EIF4ENIF1: variants seen among roughly 807,000 people sequenced by gnomAD.
EIF4ENIF1 encodes the protein eukaryotic translation initiation factor 4E transporter.
EIF4ENIF1 carries 23 observed loss-of-function variants against 110.5 expected under a neutral mutation model. That is an observed-to-expected ratio of 0.21 (90% confidence interval 0.15 to 0.29). The LOEUF (loss-of-function observed/expected upper bound fraction) is 0.29, where lower values mean the gene tolerates loss of function less well. Ranked by LOEUF, EIF4ENIF1 falls within the 10% of genes least tolerant of loss-of-function variation. EIF4ENIF1 has a pLI of 1.00. For synonymous variants in EIF4ENIF1, 440 were observed against 437.0 expected (o/e 1.01, Z -0.09); for missense variants, 1,031 against 1,221.1 (o/e 0.84, Z 2.32).
chr22:31,440,591 T>C, intron 18 of EIF4ENIF1, 113 bp downstream of exon 18: 2 of 1,325,848 alleles, frequency 1.5e-6, no homozygotes, highest in East Asian at 2.3e-5. Flanking sequence ...GTCCCAAACT[T>C]AGAACAAGTT....
rs558296966 is a variant in EIF4ENIF1 at position 31,443,018 on chromosome 22, G to A, written c.2150C>T (p.Ala717Val). 1.4e-5 allele frequency: 23 copies of A among 1,614,144 alleles called. No homozygotes were observed. The East Asian group carries it at 4.9e-4, about 34-fold the overall frequency. Residue 717 changes from alanine to valine, a missense_variant, in exon 16 of 19, where the codon GCA becomes GTA. Ala to Val is a moderately conservative substitution (Grantham distance 64, BLOSUM62 0). Transcript: ENST00000330125. ...GTCACCAAGAGCTGCTTTTCCAGAT[G>A]CTGGCTCCTCCTTGCTTTTCTCTTT... ...ESKEKSKEEPASGKAALGDSK... is the reference protein window; with the variant it reads ...ESKEKSKEEPVSGKAALGDSK...
chr22:31,449,314 A>T, intron 12 of EIF4ENIF1, 34 bp downstream of exon 12: 1 of 1,604,588 alleles, frequency 6.2e-7, no homozygotes. Context: ...CTGGCCATAA[A>T]TTCATATTTC....
chr22:31,450,189 CAG>C (rs2050602398), intron 11 of EIF4ENIF1, 98 bp downstream of exon 11: 2 of 893,364 alleles, frequency 2.2e-6, no homozygotes, highest in Admixed American at 4.2e-5. Flanking sequence ...CCAGGCAACA[CAG>C]ATCATTTTCT....
At chr22:31,450,672 C>T (rs891785789) in intron 10 of EIF4ENIF1, 1 of 315,438 alleles carries the variant, frequency 3.2e-6, no homozygotes, top group Non-Finnish European at 6.1e-6. Context: ...GGAACACTTA[C>T]TTGAGATAAC....
At chr22:31,477,390 A>AAAAG (rs1381135932) in intron 2 of EIF4ENIF1, among the ~76,000 whole-genome samples, 157 of 133,584 alleles carry the variant, frequency 1.2e-3, no homozygotes, top group South Asian at 1.7e-3. Context: ...AAAACAAAAA[A>AAAAG]AGAGAATTTG....
chr22:31,462,747 C>T (rs1257965472), intron 6 of EIF4ENIF1, among the ~76,000 whole-genome samples, 185 bp downstream of exon 6: 2 of 152,112 alleles, frequency 1.3e-5, no homozygotes, highest in Non-Finnish European at 2.9e-5. Context: ...CCACACCCCA[C>T]TAATTTTTGA....
chr22:31,455,608 C>T (rs56314242), intron 8 of EIF4ENIF1, among the ~76,000 whole-genome samples: 4 of 151,990 alleles, frequency 2.6e-5, no homozygotes, highest in Admixed American at 6.6e-5. Flanking sequence ...CCATGTTGGC[C>T]AGGCTGGTCT....
chr22:31,446,911 A>G (rs2050496551), intron 14 of EIF4ENIF1: 1 of 433,996 alleles, frequency 2.3e-6, no homozygotes, highest in East Asian at 7.3e-5. Context: ...TCAGTACTCT[A>G]CTTGTTAACA....
intron 2 of EIF4ENIF1, among the ~76,000 whole-genome samples, chr22:31,476,459 T>C (rs2051575182): frequency 6.6e-6 from 1 of 152,002 alleles, no homozygotes; most frequent in Non-Finnish European, 1.5e-5. Flanking sequence ...TTTGGTCCTA[T>C]TGACGAGGAA....
At chr22:31,444,728 G>A in intron 14 of EIF4ENIF1, 38 bp from the exon 15 acceptor site, 4 of 1,592,752 alleles carry the variant, frequency 2.5e-6, no homozygotes, top group Non-Finnish European at 3.4e-6. Flanking sequence ...ACCCCAATCT[G>A]CTTAACTTCA....
chr22:31,466,929 G>C (rs1170758844), intron 4 of EIF4ENIF1, among the ~76,000 whole-genome samples: 2 of 152,288 alleles, frequency 1.3e-5, no homozygotes, highest in East Asian at 3.9e-4. Flanking sequence ...ATCACAAACA[G>C]CTCCTAGAAT....
Position 31,440,829 on chromosome 22 carries a change from C to T in EIF4ENIF1, c.2591G>A (p.Gly864Glu), listed in dbSNP as rs765838083. 2 of 1,613,960 alleles carry T rather than the reference C, an allele frequency of 1.2e-6. No homozygotes were observed. Among genetic ancestry groups the T allele is most frequent in the Non-Finnish European group, 1.7e-6 (2 of 1,179,872 alleles). ...CTGACCCAGGATGGGGCCAGATATT[C>T]CCTGTAAATGACTCAAGTCCATCCC... is the stretch of plus-strand genomic sequence containing the variant. The part of the protein sequence containing the change: ...PPGMDLSHLQ[G>E]ISGPILGQPF... The change falls in exon 18 of 19, where the codon GGA (glycine) becomes GAA (glutamate). Residue 864 changes from glycine (G) to glutamate (E), a missense_variant. This residue lies in a region of EIF4ENIF1 where 309 missense variants were observed against 299.1 expected (regional missense o/e 1.03). Transcript: ENST00000330125.
chr22:31,468,030 T>G lies in EIF4ENIF1; in HGVS notation c.298+145A>C, dbSNP rs1183388816. On this transcript the variant is annotated intron_variant, in intron 4 of 18. Transcript: ENST00000330125. ...TAGACTATGACTTTACCCTGCTGAT[T>G]AGGAAAAATCCAACCGATAAATCAG... 3 of 1,213,216 alleles carry G rather than the reference T, an allele frequency of 2.5e-6. No homozygotes were observed. The South Asian group carries it at 4.7e-5, about 19-fold the overall frequency. 75.2% of individuals were successfully genotyped at this position (1,213,216 alleles called of 1,614,324 possible).
At chr22:31,446,513 A>G (rs1200370333) in intron 14 of EIF4ENIF1, among the ~76,000 whole-genome samples, 4 of 152,198 alleles carry the variant, frequency 2.6e-5, no homozygotes. Context: ...AGCTGAAGCA[A>G]AACACTGAGG....
At chr22:31,468,744 C>T (rs551681724) in intron 3 of EIF4ENIF1, among the ~76,000 whole-genome samples, 1 of 152,270 alleles carries the variant, frequency 6.6e-6, no homozygotes, top group Admixed American at 6.5e-5. Context: ...AGAATTGTTA[C>T]CTCTTTTAAT....
At chr22:31,450,590 A>G (rs2050615595) in intron 10 of EIF4ENIF1, 2 of 399,650 alleles carry the variant, frequency 5.0e-6, no homozygotes, top group African/African-American at 4.1e-5. Flanking sequence ...AGAGATCCTC[A>G]CTATGCTAAT....
intron 12 of EIF4ENIF1, among the ~76,000 whole-genome samples, chr22:31,448,670 G>A (rs1232779367): frequency 6.6e-6 from 1 of 152,208 alleles, no homozygotes. Context: ...AGTGGCCTAG[G>A]ATAGCAGGAA....
In EIF4ENIF1 at chr22:31,463,000, T is replaced by C. The variant is rs1266625276; in HGVS notation, c.719A>G (p.Asp240Gly). The part of the protein sequence containing the change: ...SETIELTGFD[D>G]KILEEDHKGR... ...TTTGTGATCTTCTTCTAGTATCTTA[T>C]CATCAAAGCCAGTCAGTTCGATGGT... Residue 240 changes from aspartate to glycine, a missense_variant, in exon 6 of 19, where the codon GAT becomes GGT. Asp to Gly is a moderately conservative substitution (Grantham distance 94, BLOSUM62 -1). Transcript: ENST00000330125. 1.2e-6 allele frequency: 2 copies of C among 1,614,166 alleles called. No homozygotes were observed. Among genetic ancestry groups the C allele is most frequent in the Non-Finnish European group, 1.7e-6 (2 of 1,180,038 alleles).
At chr22:31,450,742 TCATATATACACACATA>T (rs1569072872) in intron 10 of EIF4ENIF1, 1,403 of 138,678 alleles carry the variant, frequency 0.01, 16 homozygotes, top group Non-Finnish European at 0.018. Context: ...ACACACACAC[TCATATATACACACATA>T]CATATATACA....
Sources: allele counts gnomAD v4.1 joint callset (sites outside exome capture counted in the v4.1 genomes callset), GRCh38; gene constraint gnomAD v4.1.1; regional missense constraint gnomAD v4.1.1; transcripts MANE v1.5; gene names NCBI Gene and HGNC (gene_info 2026-07-23, HGNC 2026-07-21).